ARHGAP32: variants seen among roughly 807,000 people sequenced by gnomAD.
ARHGAP32 encodes rho GTPase-activating protein 32.
ARHGAP32 carries 51 observed loss-of-function variants against 186.5 expected under a neutral mutation model. That is an observed-to-expected ratio of 0.27 (90% CI 0.22 to 0.35). The LOEUF (loss-of-function observed/expected upper bound fraction) is 0.35, where lower values mean the gene tolerates loss of function less well. Ranked by LOEUF, ARHGAP32 falls within the 10% of genes least tolerant of loss-of-function variation. ARHGAP32 has a pLI of 1.00. For synonymous variants in ARHGAP32, 950 were observed against 964.3 expected (o/e 0.99, Z 0.27); for missense variants, 2,186 against 2,623.5 (o/e 0.83, Z 3.64).
intron 8 of ARHGAP32, 86 bp from the exon 9 acceptor site, chr11:129,064,110 T>A (rs1940606780): frequency 1.5e-6 from 2 of 1,300,902 alleles, no homozygotes; most frequent in East Asian, 2.5e-5. Flanking sequence ...TTCATTTTAA[T>A]TTAGAGATAC....
At position 129,169,805 on chromosome 11, in the gene ARHGAP32, T is replaced by C. The variant is rs542394641; in HGVS notation, c.117-5378A>G. Among the ~76,000 whole-genome samples the C allele has an allele frequency of 1.5e-3, 226 of 152,184 alleles. 3 individuals are homozygous for C. Among genetic ancestry groups the C allele is most frequent in the Middle Eastern group, 6.8e-3 (2 of 294 alleles). On this transcript the variant is annotated intron_variant, in intron 1 of 22. Transcript: ENST00000682385. ...CTACAGCTATTAAACAAAATTAATC[T>C]GTAAGGAAACTCCAAGCCCAAATGA...
intron 11 of ARHGAP32, among the ~76,000 whole-genome samples, chr11:128,999,727 TG>T (rs1946303571): frequency 6.6e-6 from 1 of 152,208 alleles, no homozygotes. Flanking sequence ...ATTAAAATAC[TG>T]GGGGCTGGTT....
At chr11:129,257,638 A>T (rs1194420963) in intron 1 of ARHGAP32, among the ~76,000 whole-genome samples, 1 of 151,380 alleles carries the variant, frequency 6.6e-6, no homozygotes, top group Non-Finnish European at 1.5e-5. Context: ...AATTTTTAAA[A>T]TTACAGAAAA....
chr11:129,239,621 T>C (rs369618799), intron 1 of ARHGAP32, among the ~76,000 whole-genome samples: 14 of 152,276 alleles, frequency 9.2e-5, no homozygotes, highest in African/African-American at 2.9e-4. Flanking sequence ...TAAAAGAGCG[T>C]CCGAATTCCT....
intron 2 of ARHGAP32, among the ~76,000 whole-genome samples, chr11:129,126,254 CTATTGCAGTGTAAAAGTAGCTACTTATA>C (rs1244887874): frequency 1.3e-5 from 2 of 152,162 alleles, no homozygotes; most frequent in Non-Finnish European, 2.9e-5. Context: ...TTCAATTCTG[CTATTGCAGTGTAAAAGTAGCTACTTATA>C]AATGACCAAA....
chr11:129,143,071 G>GCATATATATATATATATATATA (rs1158817566), intron 2 of ARHGAP32, among the ~76,000 whole-genome samples: 2 of 32,128 alleles, frequency 6.2e-5, no homozygotes, highest in Non-Finnish European at 1.4e-4. Flanking sequence ...TGGTAAAACT[G>GCATATATATATATATATATATA]CATATATATA....
chr11:129,243,042 AC>A (rs1416683019), intron 1 of ARHGAP32, among the ~76,000 whole-genome samples: 1 of 151,844 alleles, frequency 6.6e-6, no homozygotes, highest in Non-Finnish European at 1.5e-5. Context: ...TAGCCACCCA[AC>A]TCCCTCAACT....
intron 11 of ARHGAP32, among the ~76,000 whole-genome samples, chr11:129,023,296 C>A (rs1169588093): frequency 6.6e-6 from 1 of 152,112 alleles, no homozygotes; most frequent in Admixed American, 6.5e-5. Flanking sequence ...CTTACCAATG[C>A]CAATACCAAA....
At chr11:129,040,793 T>C (rs1939561106) in intron 11 of ARHGAP32, 135 bp downstream of exon 11, 1 of 608,188 alleles carries the variant, frequency 1.6e-6, no homozygotes, top group South Asian at 2.3e-5. Flanking sequence ...ATCAAAACCA[T>C]ATAAAATTAA....
At chr11:129,154,861 G>A (rs541855134) in intron 2 of ARHGAP32, among the ~76,000 whole-genome samples, 2 of 151,588 alleles carry the variant, frequency 1.3e-5, no homozygotes, top group African/African-American at 4.8e-5. Flanking sequence ...AAAGCCACCT[G>A]TTCCCCAAAA....
chr11:129,257,705 C>CAA lies in ARHGAP32; in HGVS notation c.-5+21439_-5+21440dup, dbSNP rs5795663. On this transcript the variant is annotated intron_variant, in intron 1 of 6. Coordinates refer to the ARHGAP32 transcript ENST00000525234. The stretch of plus-strand genomic sequence containing the variant: ...TAGAAGCAGTAAGTTAATAATTAAC[C>CAA]AAAAAAAAAAAAAAAACAGAACTTC... Among the ~76,000 whole-genome samples the CAA allele has an allele frequency of 9.7e-3, 833 of 86,178 alleles. 9 individuals carry two copies. The highest frequency in any genetic ancestry group is 0.014 in the Non-Finnish European group (602 of 44,012). The allele number at this position is 86,178 out of a possible 152,430, so 56.5% of individuals were successfully genotyped here.
In ARHGAP32 at chr11:128,967,423, T is replaced by C. The variant is rs1023363385; in HGVS notation, c.*1484A>G. The C allele has an allele frequency of 1.3e-5, 2 of 152,084 alleles. No individual in the cohort carries two copies. Among genetic ancestry groups the C allele is most frequent in the African/African-American group, 4.8e-5 (2 of 41,392 alleles). The allele number at this position is 152,084 out of a possible 1,614,324, so 9.4% of individuals were successfully genotyped here. A position where few individuals can be genotyped will look rare whatever the true frequency, so the allele number is the denominator to read the frequency against. ...AATACGTGAATGTATAAAACTTGAG[T>C]ATTATTAAGAGTTATGGAATGAAAT... On this transcript the variant is annotated 3_prime_UTR_variant, in exon 23 of 23. Coordinates refer to ENST00000682385, the MANE Select transcript of ARHGAP32 (RefSeq NM_001378024.1).
intron 2 of ARHGAP32, among the ~76,000 whole-genome samples, chr11:129,146,878 C>T (rs1395289340): frequency 2.0e-5 from 3 of 151,954 alleles, no homozygotes; most frequent in Admixed American, 2.0e-4. Flanking sequence ...AAAAAATTAA[C>T]CAAATGGAAT....
intron 22 of ARHGAP32, chr11:128,972,101 T>G: frequency 6.2e-6 from 1 of 162,006 alleles, no homozygotes; most frequent in Non-Finnish European, 1.3e-5. Context: ...GAGTCAGTGA[T>G]GGAGTTGGAA....
chr11:129,245,207 C>G (rs1316869152), intron 1 of ARHGAP32, among the ~76,000 whole-genome samples: 10 of 133,714 alleles, frequency 7.5e-5, no homozygotes, highest in African/African-American at 2.8e-4. Context: ...CCCAAATGTC[C>G]AACAATGATA....
intron 1 of ARHGAP32, among the ~76,000 whole-genome samples, chr11:129,244,686 G>C (rs899221295): frequency 3.3e-5 from 5 of 151,626 alleles, no homozygotes; most frequent in African/African-American, 9.7e-5. Flanking sequence ...GAAAATTTTC[G>C]CAACCTACTC....
At chr11:129,242,704 C>T (rs1450338250) in intron 1 of ARHGAP32, among the ~76,000 whole-genome samples, 3 of 147,458 alleles carry the variant, frequency 2.0e-5, no homozygotes, top group South Asian at 2.1e-4. Flanking sequence ...GGTGACAGAG[C>T]GAGACTCCAC....
intron 1 of ARHGAP32, among the ~76,000 whole-genome samples, chr11:129,176,655 T>C (rs1433570217): frequency 6.7e-6 from 1 of 150,078 alleles, no homozygotes; most frequent in Non-Finnish European, 1.5e-5. Flanking sequence ...CTCAACTACA[T>C]GGAAACTGAA....
At chr11:129,276,634 T>TA (rs1490627758) in intron 1 of ARHGAP32, among the ~76,000 whole-genome samples, 1 of 152,208 alleles carries the variant, frequency 6.6e-6, no homozygotes, top group Non-Finnish European at 1.5e-5. Context: ...AAATTTCTGT[T>TA]ACAACATTTA....
Sources: gnomAD v4.1 joint callset for allele counts (sites outside exome capture counted in the v4.1 genomes callset) on GRCh38, gnomAD v4.1.1 for gene constraint, MANE v1.5 for transcripts, NCBI Gene and HGNC (gene_info 2026-07-23, HGNC 2026-07-21) for gene names.